The following HTR1E variants were observed in gnomAD, a reference collection of about 807,000 sequenced individuals.
HTR1E encodes the protein 5-hydroxytryptamine receptor 1E, also known as 5-HT-1E.
Under a neutral mutation model 3.4 loss-of-function variants are expected in HTR1E, and 3 were observed. The ratio of observed to expected loss-of-function variants is 0.89; its 90% CI spans 0.41 to 2.31. HTR1E has a LOEUF of 2.31. Among genes scored for constraint, HTR1E ranks in the 30% most tolerant of loss-of-function variants. The pLI is 0.05. For synonymous variants in HTR1E, 170 were observed against 182.8 expected, an observed-to-expected ratio of 0.93 and a Z score of 0.56; for missense variants, 392 against 467.0, an observed-to-expected ratio of 0.84 and a Z score of 1.48.
chr6:86,938,735 C>T (rs576279181), intron 1 of HTR1E, among the ~76,000 whole-genome samples: 196 of 152,254 alleles, frequency 1.3e-3, no homozygotes, highest in African/African-American at 4.6e-3. Flanking sequence ...GGGAGCAGCC[C>T]AGGAGGAAAT....
At chr6:86,960,470 A>G (rs563216591) in intron 1 of HTR1E, among the ~76,000 whole-genome samples, 2 of 152,314 alleles carry the variant, frequency 1.3e-5, no homozygotes, top group Admixed American at 1.3e-4. Flanking sequence ...GGCAAGTTTG[A>G]AAAGCTTATA....
chr6:86,948,238 TTATC>T (rs1275206652), intron 1 of HTR1E, among the ~76,000 whole-genome samples: 1 of 152,178 alleles, frequency 6.6e-6, no homozygotes, highest in African/African-American at 2.4e-5. Context: ...GCTGCAAACA[TTATC>T]TATTTAATAA....
intron 1 of HTR1E, chr6:86,971,152 G>A: frequency 2.0e-6 from 1 of 504,982 alleles, no homozygotes; most frequent in East Asian, 5.5e-5. Context: ...GCTGGCAACA[G>A]AGAAGACCAG....
chr6:86,995,307 T>C lies in HTR1E; in HGVS notation c.-185-19843T>C, dbSNP rs1200870615. Among the ~76,000 whole-genome samples, 8 of 147,758 alleles carry C rather than the reference T, an allele frequency of 5.4e-5. No homozygotes were observed. In the East Asian group the frequency reaches 1.6e-3, roughly 29 times the overall value. ...CTCTATAATATAATAAATAAATAAA[T>C]AAATAAATAAATAAATAAAGGTCTA... On this transcript the variant is annotated intron_variant, in intron 1 of 1. Transcript: ENST00000305344.
intron 1 of HTR1E, among the ~76,000 whole-genome samples, chr6:86,952,395 T>C (rs986426704): frequency 6.6e-5 from 10 of 152,066 alleles, no homozygotes; most frequent in Non-Finnish European, 1.2e-4. Flanking sequence ...AATCTAGTCT[T>C]AGCAGGAGGG....
rs1310570170 is a variant in HTR1E at position 86,940,794 on chromosome 6, C to CA, written c.-186+2978dup. Among the ~76,000 whole-genome samples, 13 of 152,180 alleles carry CA rather than the reference C, an allele frequency of 8.5e-5. No individual in the cohort carries two copies. The South Asian group carries it at 1.0e-3, about 12-fold the overall frequency. ...CTCTATTTCTACAAGCTTATTTACACAAAAAAATAAGCTTGAGACTGATCA... is the reference window on the plus strand; with the variant it reads ...CTCTATTTCTACAAGCTTATTTACACAAAAAAAATAAGCTTGAGACTGATCA... On this transcript the variant is annotated intron_variant, in intron 1 of 1. Transcript: ENST00000305344.
At chr6:86,999,261 C>T (rs1034014883) in intron 1 of HTR1E, among the ~76,000 whole-genome samples, 1 of 152,036 alleles carries the variant, frequency 6.6e-6, no homozygotes, top group African/African-American at 2.4e-5. Context: ...CATGCCGGGC[C>T]AGTTTTGGGG....
At chr6:86,969,514 C>T (rs548459859) in intron 1 of HTR1E, among the ~76,000 whole-genome samples, 31 of 152,094 alleles carry the variant, frequency 2.0e-4, no homozygotes, top group Non-Finnish European at 3.2e-4. Context: ...CATTATTTTC[C>T]GCCATGTACT....
intron 1 of HTR1E, among the ~76,000 whole-genome samples, chr6:86,982,079 T>C (rs1767720381): frequency 6.6e-6 from 1 of 152,224 alleles, no homozygotes; most frequent in South Asian, 2.1e-4. Context: ...CTGGCCTCAA[T>C]TGCCAGTATT....
intron 1 of HTR1E, among the ~76,000 whole-genome samples, chr6:86,978,802 T>C (rs1032073567): frequency 2.6e-5 from 4 of 152,210 alleles, no homozygotes; most frequent in Admixed American, 6.5e-5. Context: ...CACTGAATAG[T>C]TCCCATGCAG....
chr6:86,970,013 A>G (rs571599033), intron 1 of HTR1E, among the ~76,000 whole-genome samples: 10 of 152,324 alleles, frequency 6.6e-5, no homozygotes, highest in African/African-American at 2.2e-4. Context: ...CTGGAAACCA[A>G]TATCATCCCT....
intron 1 of HTR1E, among the ~76,000 whole-genome samples, chr6:86,955,589 A>ATGT (rs1767309768): frequency 6.6e-6 from 1 of 152,222 alleles, no homozygotes; most frequent in African/African-American, 2.4e-5. Context: ...CTGTGAGATA[A>ATGT]TAAATTTATG....
At chr6:87,009,136 A>G (rs1281911334) in intron 1 of HTR1E, among the ~76,000 whole-genome samples, 6 of 150,410 alleles carry the variant, frequency 4.0e-5, no homozygotes, top group African/African-American at 1.5e-4. Context: ...TCATGGGACA[A>G]TAGTGGAGGG....
rs571963679 is a variant in HTR1E, at chr6:86,938,110, G to T, written c.-186+287G>T. 8.5e-5 allele frequency among the ~76,000 whole-genome samples: 13 copies of T among 152,316 alleles called. No homozygotes were observed. The East Asian group carries it at 2.3e-3, about 27-fold the overall frequency. The stretch of plus-strand genomic sequence containing the variant: ...TTTGAGCATTTCATCCTGCTTCCTT[G>T]CAAAAGGATTAGAGGCAGCTTAAAG... On this transcript the variant is annotated intron_variant, in intron 1 of 1. Coordinates refer to ENST00000305344, the MANE Select transcript of HTR1E (RefSeq NM_000865.3).
In HTR1E at chr6:87,015,824, C is replaced by T. The variant is rs767446792; in HGVS notation, c.490C>T (p.Arg164Cys). 82 of 1,613,510 alleles carry T rather than the reference C, an allele frequency of 5.1e-5. No individual in the cohort carries two copies. Among genetic ancestry groups the T allele is most frequent in the Non-Finnish European group, 6.7e-5 (79 of 1,179,730 alleles). ...GCCCCCTCTGTTCTGGAGAAGCCAC[C>T]GCCGCCTAAGCCCTCCCCCTAGTCA... The part of the protein sequence containing the change: ...SMPPLFWRSH[R>C]RLSPPPSQCT... The change falls in exon 2 of 2, where the codon CGC (arginine) becomes TGC (cysteine). Residue 164 changes from arginine (R) to cysteine (C), a missense_variant. By Grantham distance (180) the Arg-to-Cys change is radical. Transcript: ENST00000305344.
intron 1 of HTR1E, among the ~76,000 whole-genome samples, chr6:86,983,013 C>T (rs561548285): frequency 6.6e-6 from 1 of 152,148 alleles, no homozygotes; most frequent in Non-Finnish European, 1.5e-5. Context: ...GAATGCATTG[C>T]AAATTCAGAA....
intron 1 of HTR1E, among the ~76,000 whole-genome samples, chr6:86,986,856 C>G (rs1253273029): frequency 2.0e-5 from 3 of 152,062 alleles, no homozygotes; most frequent in Non-Finnish European, 4.4e-5. Context: ...GAGAGCTTAG[C>G]AACTAAGAAA....
intron 1 of HTR1E, among the ~76,000 whole-genome samples, chr6:86,949,597 G>C (rs1234494572): frequency 6.6e-6 from 1 of 152,096 alleles, no homozygotes; most frequent in Non-Finnish European, 1.5e-5. Flanking sequence ...CAAAAGTTTT[G>C]AGGTAGACCA....
chr6:86,980,479 C>T lies in HTR1E; in HGVS notation c.-185-34671C>T, dbSNP rs897598877. ...GCAAACAGGCACCACCCAACTCAGA[C>T]ACGGCCCATATAACAGTACAGGAGG... On this transcript the variant is annotated intron_variant, in intron 1 of 1. Transcript: ENST00000305344. 2.6e-5 allele frequency among the ~76,000 whole-genome samples: 4 copies of T among 151,850 alleles called. No homozygotes were observed. The South Asian group carries it at 6.2e-4, about 24-fold the overall frequency.
Sources: gnomAD v4.1 joint callset for allele counts (sites outside exome capture counted in the v4.1 genomes callset) on GRCh38, gnomAD v4.1.1 for gene constraint, MANE v1.5 for transcripts, NCBI Gene and HGNC (gene_info 2026-07-23, HGNC 2026-07-21) for gene names.